GRB10: variants seen among roughly 807,000 people sequenced by gnomAD.
GRB10 encodes growth factor receptor-bound protein 10.
Under a neutral mutation model 80.9 loss-of-function variants are expected in GRB10, and 20 were observed. The observed-to-expected ratio is 0.25, with a 90% CI of 0.17 to 0.36. The LOEUF (loss-of-function observed/expected upper bound fraction) is 0.36, where lower values mean the gene tolerates loss of function less well. Among genes scored for constraint, GRB10 ranks in the 10% least tolerant of loss-of-function variants. The pLI, the probability that GRB10 is intolerant of heterozygous loss-of-function variation, is 1.00. For missense variants in GRB10, 548 were observed against 747.7 expected, an observed-to-expected ratio of 0.73 and a Z score of 3.12; for synonymous variants, 291 against 291.5, an observed-to-expected ratio of 1.00 and a Z score of 0.02.
intron 1 of GRB10, among the ~76,000 whole-genome samples, chr7:50,781,865 C>A (rs975202003): frequency 6.6e-6 from 1 of 152,230 alleles, no homozygotes; most frequent in East Asian, 1.9e-4. Flanking sequence ...CTGATATGCA[C>A]CTTCCAGGGA....
At chr7:50,710,776 T>G (rs577311062) in intron 4 of GRB10, 1 of 1,350,532 alleles carries the variant, frequency 7.4e-7, no homozygotes, top group East Asian at 2.3e-5. Flanking sequence ...GAACGACCAC[T>G]TCATAGGTCA....
At chr7:50,729,347 T>C (rs191845979) in intron 4 of GRB10, 5 of 152,356 alleles carry the variant, frequency 3.3e-5, no homozygotes, top group African/African-American at 7.2e-5. Flanking sequence ...CAGTTCAACA[T>C]TGTGTACGGA....
intron 4 of GRB10, among the ~76,000 whole-genome samples, chr7:50,709,794 C>T (rs2715119): frequency 0.78 from 118,098 of 151,908 alleles, 46,492 homozygotes; most frequent in Middle Eastern, 0.91. Context: ...GGCTGGTCCT[C>T]ACCTTGGAGA....
At chr7:50,771,932 A>G (rs1001097971) in intron 2 of GRB10, among the ~76,000 whole-genome samples, 8 of 152,192 alleles carry the variant, frequency 5.3e-5, no homozygotes, top group Non-Finnish European at 1.2e-4. Flanking sequence ...GGATATTACA[A>G]AGGTAGAAAG....
chr7:50,650,329 G>C (rs867003892), intron 7 of GRB10, among the ~76,000 whole-genome samples: 1 of 152,306 alleles, frequency 6.6e-6, no homozygotes, highest in Middle Eastern at 3.4e-3. Context: ...CAAGGTGGGT[G>C]GGGGAGAAAC....
intron 5 of GRB10, among the ~76,000 whole-genome samples, chr7:50,694,599 T>C (rs1017296763): frequency 7.9e-5 from 12 of 152,034 alleles, no homozygotes; most frequent in Admixed American, 5.2e-4. Context: ...GGATGAAGAA[T>C]CTGTGGTGTG....
chr7:50,616,804 C>T (rs1053076275), intron 10 of GRB10, among the ~76,000 whole-genome samples: 1 of 152,226 alleles, frequency 6.6e-6, no homozygotes, highest in East Asian at 1.9e-4. Flanking sequence ...TGGTGATGTC[C>T]CCCTGTTCCA....
rs1171331558 is a variant in GRB10, at chr7:50,782,885, A to G, written c.-788T>C. The G allele has an allele frequency of 1.3e-5, 2 of 152,112 alleles. No individual in the cohort carries two copies. The highest frequency in any genetic ancestry group is 2.9e-5 in the Non-Finnish European group (2 of 68,042). The allele number at this position is 152,112 out of a possible 1,614,324, so 9.4% of individuals were successfully genotyped here. A position where few individuals can be genotyped will look rare whatever the true frequency, so the allele number is the denominator to read the frequency against. ...GGAGCAGCGCCCGGTCCTGGAGCAC[A>G]ACAGGAATCCCAGGACCAAACCCAT... is the stretch of plus-strand genomic sequence containing the variant. On this transcript the variant is annotated 5_prime_UTR_variant, in exon 1 of 19. Transcript: ENST00000401949. The surrounding 1 kb of genome is among the most constrained non-coding windows in gnomAD (Gnocchi z 6.6).
chr7:50,738,765 A>T (rs912109065), intron 3 of GRB10, among the ~76,000 whole-genome samples: 2 of 152,186 alleles, frequency 1.3e-5, no homozygotes, highest in Non-Finnish European at 2.9e-5. Flanking sequence ...GATAGATAGC[A>T]GCTTTCTGTC....
intron 2 of GRB10, among the ~76,000 whole-genome samples, chr7:50,769,011 C>T (rs769773342): frequency 6.6e-6 from 1 of 152,186 alleles, no homozygotes; most frequent in African/African-American, 2.4e-5. Flanking sequence ...ACCACAGACA[C>T]GACTGGTATG....
upstream of GRB10, among the ~76,000 whole-genome samples, chr7:50,783,178 A>G (rs996807171): frequency 6.6e-6 from 1 of 152,176 alleles, no homozygotes; most frequent in Non-Finnish European, 1.5e-5. Context: ...CTGCTCGAGC[A>G]ACCTTCCACC....
chr7:50,777,579 T>C (rs1237606733), intron 2 of GRB10, among the ~76,000 whole-genome samples: 3 of 152,030 alleles, frequency 2.0e-5, no homozygotes, highest in Non-Finnish European at 2.9e-5. Flanking sequence ...AAGAGAGGAC[T>C]GTATGAAAAA....
At chr7:50,743,925 C>G (rs551576764) in intron 3 of GRB10, among the ~76,000 whole-genome samples, 1 of 152,264 alleles carries the variant, frequency 6.6e-6, no homozygotes, top group East Asian at 1.9e-4. Flanking sequence ...ACAGCCTAGG[C>G]TATCCACAGG....
At chr7:50,605,457 G>T in intron 14 of GRB10, 51 bp from the exon 15 acceptor site, 1 of 1,411,196 alleles carries the variant, frequency 7.1e-7, no homozygotes, top group Non-Finnish European at 1.0e-6. Context: ...AAGGCAGAGT[G>T]GAGTCTTGGC....
intron 7 of GRB10, among the ~76,000 whole-genome samples, chr7:50,637,436 C>CCACA (rs137998418): frequency 8.5e-4 from 128 of 151,058 alleles, no homozygotes; most frequent in African/African-American, 1.9e-3. Flanking sequence ...TTTAAAATGG[C>CCACA]CACACACACA....
At chr7:50,626,780 T>TA in intron 8 of GRB10, 42 bp downstream of exon 8, 2 of 1,612,204 alleles carry the variant, frequency 1.2e-6, no homozygotes, top group Non-Finnish European at 1.7e-6. Context: ...CAATTGCACA[T>TA]AAGCATCCCC....
chr7:50,773,301 G>GT (rs1206595863), intron 2 of GRB10, among the ~76,000 whole-genome samples: 1 of 149,110 alleles, frequency 6.7e-6, no homozygotes, highest in Admixed American at 6.7e-5. Context: ...GCCAAACGAT[G>GT]TAACACCTAT....
chr7:50,722,276 T>C (rs1055774997), intron 4 of GRB10, among the ~76,000 whole-genome samples: 2 of 152,134 alleles, frequency 1.3e-5, no homozygotes, highest in Non-Finnish European at 2.9e-5. Flanking sequence ...GTTCAAGGAC[T>C]TCCTGCAAGG....
chr7:50,597,417 G>C (rs937090767), intron 17 of GRB10, among the ~76,000 whole-genome samples: 1 of 151,046 alleles, frequency 6.6e-6, no homozygotes, highest in Non-Finnish European at 1.5e-5. Flanking sequence ...GGTGCATGCT[G>C]GGCAGCTGTG....
Sources: gnomAD v4.1 joint callset for allele counts (sites outside exome capture counted in the v4.1 genomes callset) on GRCh38, gnomAD v4.1.1 for gene constraint, Gnocchi (gnomAD v3.1) non-coding constraint, MANE v1.5 for transcripts, NCBI Gene and HGNC (gene_info 2026-07-23, HGNC 2026-07-21) for gene names.